The following HK1 variants were observed in gnomAD, a reference collection of about 807,000 sequenced individuals.
HK1 encodes the protein hexokinase 1, also known as hexokinase-1.
HK1 carries 28 observed loss-of-function variants against 91.6 expected under a neutral mutation model. That is an observed-to-expected ratio of 0.31 (90% CI 0.23 to 0.42). The LOEUF (loss-of-function observed/expected upper bound fraction) is 0.42, where lower values mean the gene tolerates loss of function less well. HK1 is among the 10% of genes least tolerant of loss of function. The pLI is 1.00. For missense variants in HK1, 770 were observed against 1,219.8 expected, an observed-to-expected ratio of 0.63 and a Z score of 5.49; for synonymous variants, 430 against 468.1, an observed-to-expected ratio of 0.92 and a Z score of 1.05.
upstream of HK1, among the ~76,000 whole-genome samples, chr10:69,312,115 C>T (rs141262248): frequency 7.9e-5 from 12 of 152,276 alleles, no homozygotes; most frequent in African/African-American, 1.2e-4. Flanking sequence ...CTTCCCCCTC[C>T]GTGAATTTGC....
chr10:69,338,771 G>A (rs574000092), intron 1 of HK1: 5 of 1,095,540 alleles, frequency 4.6e-6, no homozygotes, highest in East Asian at 6.0e-5. Context: ...GATTGTGTAT[G>A]TGAGAGTGTG....
chr10:69,300,019 T>C (rs1845776705), intron 4 of HK1, among the ~76,000 whole-genome samples: 1 of 150,968 alleles, frequency 6.6e-6, no homozygotes, highest in Non-Finnish European at 1.5e-5. Flanking sequence ...CGGCTGGTCT[T>C]GAACTCCTGA....
intron 1 of HK1, among the ~76,000 whole-genome samples, chr10:69,323,403 A>G (rs1314012843): frequency 6.6e-6 from 1 of 151,754 alleles, no homozygotes; most frequent in Non-Finnish European, 1.5e-5. Context: ...ACACACCTGT[A>G]GTCACAGCTA....
chr10:69,312,975 G>A (rs1309614633), upstream of HK1, among the ~76,000 whole-genome samples: 2 of 152,204 alleles, frequency 1.3e-5, no homozygotes, highest in Non-Finnish European at 2.9e-5. Context: ...TGTCCTGAAA[G>A]GTCAGGGCCT....
chr10:69,396,443 G>A (rs540777850), intron 16 of HK1, among the ~76,000 whole-genome samples: 10 of 152,004 alleles, frequency 6.6e-5, no homozygotes, highest in South Asian at 6.2e-4. Flanking sequence ...ATCCATTTCC[G>A]GAACTCTTTT....
chr10:69,283,003 G>A (rs1369474140), intron 2 of HK1, among the ~76,000 whole-genome samples: 1 of 150,774 alleles, frequency 6.6e-6, no homozygotes, highest in Non-Finnish European at 1.5e-5. Flanking sequence ...GCAGGCGCCT[G>A]TAATCCCAGC....
In HK1 at chr10:69,364,842, C is replaced by G. The variant is rs758503562; in HGVS notation, c.435C>G (p.Asp145Glu). ...GDFMEKRKIK[D>E]KKLPVGFTFS... Reference sequence around the variant, plus strand: ...TCATGGAGAAAAGGAAGATCAAGGACAAGAAGTTACCTGTGGGATTCACGT... The same window carrying G: ...TCATGGAGAAAAGGAAGATCAAGGAGAAGAAGTTACCTGTGGGATTCACGT... Residue 145 changes from aspartate to glutamate, a missense_variant, in exon 4 of 18, where the codon GAC (aspartate) becomes GAG (glutamate). Physicochemically the swap from Asp to Glu is conservative, Grantham distance 45. Transcript: ENST00000359426. 21 of 1,613,884 alleles carry G rather than the reference C, an allele frequency of 1.3e-5. No homozygotes were observed. In the Admixed American group the frequency reaches 3.0e-4, roughly 23 times the overall value.
rs114250473 is a variant in HK1 at position 69,390,681 on chromosome 10, C to T, written c.2035+1385C>T. Among the ~76,000 whole-genome samples the T allele has an allele frequency of 7.8e-3, 1,195 of 152,264 alleles. 16 individuals carry two copies. Among genetic ancestry groups the T allele is most frequent in the African/African-American group, 0.027 (1,129 of 41,554 alleles). On this transcript the variant is annotated intron_variant, in intron 14 of 17. Coordinates refer to ENST00000359426, the MANE Select transcript of HK1 (RefSeq NM_000188.3). ...CCAGGGGGTGTGTCTTGTGCCCTCC[C>T]GATGAAAGTTCACCTACATCCCACC... is the stretch of plus-strand genomic sequence containing the variant.
chr10:69,376,121 G>C (rs981828412), intron 7 of HK1, among the ~76,000 whole-genome samples: 2 of 152,320 alleles, frequency 1.3e-5, no homozygotes, highest in Admixed American at 6.5e-5. Context: ...CCCAGGGGGA[G>C]TGGCTGCCTT....
At chr10:69,323,520 C>CA (rs11421011) in intron 1 of HK1, among the ~76,000 whole-genome samples, 55,818 of 95,018 alleles carry the variant, frequency 0.59, 14,728 homozygotes, top group South Asian at 0.62. Flanking sequence ...GACTCTGTCT[C>CA]AAAAAAAAAA....
intron 1 of HK1, among the ~76,000 whole-genome samples, chr10:69,337,774 C>T (rs552439963): frequency 2.0e-5 from 3 of 152,178 alleles, no homozygotes; most frequent in African/African-American, 4.8e-5. Context: ...GCAGCATTCT[C>T]GATCCTCACG....
chr10:69,369,393 G>A lies in HK1; in HGVS notation c.692-48G>A, dbSNP rs752323939. On this transcript the variant is annotated intron_variant, in intron 6 of 17. Coordinates refer to ENST00000359426, the MANE Select transcript of HK1 (RefSeq NM_000188.3). This position sits in a 1 kb window ranked among gnomAD's most constrained non-coding sequence, Gnocchi z 4.4. ...TCGGCCCATCTTTCCAGGTGGCTCT[G>A]CACCCTCCCCGTTGTGTGGTCATAG... The A allele has an allele frequency of 6.2e-7, 1 of 1,613,718 alleles. No individual in the cohort carries two copies. The highest frequency in any genetic ancestry group is 8.5e-7 in the Non-Finnish European group (1 of 1,179,574).
In HK1 at chr10:69,339,391, T is replaced by G. The variant is rs111586146; in HGVS notation, c.64-4436T>G. 4.6e-5 allele frequency among the ~76,000 whole-genome samples: 7 copies of G among 152,338 alleles called. 1 individual carries two copies. The highest frequency in any genetic ancestry group is 1.7e-4 in the African/African-American group (7 of 41,568). On this transcript the variant is annotated intron_variant, in intron 1 of 17. Transcript: ENST00000359426. Reference sequence around the variant, plus strand: ...GGCTTCCCTTCATTGTCCTCATTCATGTAAAATCCAGGAGGCCCCAGTTTC... The same window carrying G: ...GGCTTCCCTTCATTGTCCTCATTCAGGTAAAATCCAGGAGGCCCCAGTTTC...
intron 3 of HK1, among the ~76,000 whole-genome samples, chr10:69,295,198 G>A (rs1034216850): frequency 3.3e-5 from 5 of 152,132 alleles, no homozygotes; most frequent in East Asian, 1.9e-4. Flanking sequence ...GAGACACAGC[G>A]GGGCCTGCGG....
intron 5 of HK1, among the ~76,000 whole-genome samples, chr10:69,301,741 C>G (rs73263670): frequency 0.02 from 3,118 of 152,138 alleles, 108 homozygotes; most frequent in African/African-American, 0.071. Flanking sequence ...AAAGACATCC[C>G]ATGTTCATGG....
intron 2 of HK1, among the ~76,000 whole-genome samples, chr10:69,286,572 GA>G (rs1845043215): frequency 6.6e-6 from 1 of 151,066 alleles, no homozygotes; most frequent in South Asian, 2.1e-4. Context: ...TTTTGAGATG[GA>G]GTTTCGCTCT....
intron 1 of HK1, among the ~76,000 whole-genome samples, chr10:69,329,178 T>C (rs1215213297): frequency 7.0e-6 from 1 of 143,468 alleles, no homozygotes; most frequent in Admixed American, 6.7e-5. Context: ...TCTTTTTTTT[T>C]TTTCAGATGG....
At chr10:69,296,328 T>C (rs1389274898) in intron 4 of HK1, 1 of 154,250 alleles carries the variant, frequency 6.5e-6, no homozygotes, top group African/African-American at 2.4e-5. Context: ...AACTCTCGAT[T>C]TCCCCTGTGT....
intron 2 of HK1, 143 bp downstream of exon 2, chr10:69,344,132 C>CGCTGATCCATCT (rs1848433476): frequency 1.2e-6 from 1 of 845,716 alleles, no homozygotes; most frequent in Non-Finnish European, 1.9e-6. Context: ...TCCATCCATC[C>CGCTGATCCATCT]GCTGATCCAT....
Sources: gnomAD v4.1 joint callset for allele counts (sites outside exome capture counted in the v4.1 genomes callset) on GRCh38, gnomAD v4.1.1 for gene constraint, Gnocchi (gnomAD v3.1) non-coding constraint, MANE v1.5 for transcripts, NCBI Gene and HGNC (gene_info 2026-07-23, HGNC 2026-07-21) for gene names.